ZFYVE26: variants seen among roughly 807,000 people sequenced by gnomAD.
The protein encoded by ZFYVE26 is zinc finger FYVE-type containing 26.
Under a neutral mutation model 276.5 loss-of-function variants are expected in ZFYVE26, and 181 were observed. That is an observed-to-expected ratio of 0.65 (90% CI 0.58 to 0.74). The LOEUF (loss-of-function observed/expected upper bound fraction) is 0.74, where lower values mean the gene tolerates loss of function less well. ZFYVE26 is among the 30% of genes least tolerant of loss of function. The pLI, the probability that ZFYVE26 is intolerant of heterozygous loss-of-function variation, is 0.00. For synonymous variants in ZFYVE26, 1,129 were observed against 1,203.1 expected, an observed-to-expected ratio of 0.94 and a Z score of 1.27; for missense variants, 2,821 against 3,097.9, an observed-to-expected ratio of 0.91 and a Z score of 2.12.
At chr14:67,733,924 A>G (rs2038319566) in intron 13 of ZFYVE26, 1 of 1,099,068 alleles carries the variant, frequency 9.1e-7, no homozygotes, top group African/African-American at 1.5e-5. Flanking sequence ...GGCCAACCCT[A>G]AAGGATTGTC....
chr14:67,791,888 C>T (rs1486426207), intron 14 of ZFYVE26, among the ~76,000 whole-genome samples: 1 of 151,164 alleles, frequency 6.6e-6, no homozygotes, highest in African/African-American at 2.4e-5. Context: ...GGTGAAACCC[C>T]GTCTCTATTA....
chr14:67,766,422 G>A lies in ZFYVE26; in HGVS notation c.5816C>T (p.Ala1939Val). 1 of 1,612,332 alleles carries A rather than the reference G, an allele frequency of 6.2e-7. No homozygotes were observed. Among genetic ancestry groups the A allele is most frequent in the South Asian group, 1.1e-5 (1 of 91,000 alleles). The change falls in exon 32 of 42, where the codon GCC (alanine) becomes GTC (valine). Residue 1939 changes from alanine to valine, a missense_variant. Ala to Val is a moderately conservative substitution (Grantham distance 64). Transcript: ENST00000347230. ...GCTGTCCCGGTGCAGATTCAGGATG[G>A]CAATGCACAAGGAGGCGCTGGGGGC... ...EQAPSASLCI[A>V]ILNLHRDSIA...
downstream of ZFYVE26, among the ~76,000 whole-genome samples, chr14:67,742,636 G>A (rs979941734): frequency 1.3e-5 from 2 of 152,138 alleles, no homozygotes; most frequent in Admixed American, 6.5e-5. Context: ...GAACTACAGT[G>A]ATGAAGTGGA....
chr14:67,785,231 C>T lies in ZFYVE26; in HGVS notation c.3351G>A (p.Gln1117=), dbSNP rs1212716655. The change falls in exon 19 of 42, where the codon CAG becomes CAA. Residue 1117 remains glutamine (Q), a synonymous_variant. Coordinates refer to ENST00000347230, the MANE Select transcript of ZFYVE26 (RefSeq NM_015346.4). ...GGTGGGCCTCTGCCTCTGGAGCTTTCTGGGCTGCCTGCTCCACCAGGGAAG... is the reference window on the plus strand; with the variant it reads ...GGTGGGCCTCTGCCTCTGGAGCTTTTTGGGCTGCCTGCTCCACCAGGGAAG... ...PLSSLVEQAA[Q]KAPEAEAHPV... The T allele has an allele frequency of 1.2e-6, 2 of 1,613,260 alleles. No individual in the cohort carries two copies. The highest frequency in any genetic ancestry group is 1.7e-6 in the Non-Finnish European group (2 of 1,179,590).
intron 37 of ZFYVE26, 148 bp from the exon 38 acceptor site, chr14:67,754,360 T>C: frequency 2.7e-6 from 3 of 1,093,930 alleles, no homozygotes; most frequent in East Asian, 5.0e-5. Flanking sequence ...TTGTGAGCAG[T>C]TATGACAAGA....
chr14:67,801,518 G>A lies in ZFYVE26; in HGVS notation c.1639+561C>T, dbSNP rs34961666. ...GTAAAGATCTATTCCAAAGCTAGGA[G>A]AGAGGGAAAACTGATCACTAGTCAG... is the stretch of plus-strand genomic sequence containing the variant. On this transcript the variant is annotated intron_variant, in intron 10 of 41. Coordinates refer to ENST00000347230, the MANE Select transcript of ZFYVE26 (RefSeq NM_015346.4). Among the ~76,000 whole-genome samples, 819 of 152,264 alleles carry A rather than the reference G, an allele frequency of 5.4e-3. 9 individuals are homozygous for A. The highest frequency in any genetic ancestry group is 7.4e-3 in the Non-Finnish European group (502 of 68,020).
At chr14:67,754,295 T>A in intron 37 of ZFYVE26, 83 bp from the exon 38 acceptor site, 1 of 1,568,572 alleles carries the variant, frequency 6.4e-7, no homozygotes, top group Middle Eastern at 2.1e-4. Context: ...TCGAATAATA[T>A]GGCAATGAAA....
At chr14:67,802,360 C>T (rs2040095393) in intron 9 of ZFYVE26, 78 bp from the exon 10 acceptor site, 2 of 1,429,824 alleles carry the variant, frequency 1.4e-6, no homozygotes, top group Non-Finnish European at 2.0e-6. Flanking sequence ...CAAAGAGATG[C>T]TGTGCCATAC....
At chr14:67,752,638 G>T (rs1413872819) in intron 39 of ZFYVE26, 112 bp from the exon 40 acceptor site, 8 of 1,162,292 alleles carry the variant, frequency 6.9e-6, no homozygotes, top group Non-Finnish European at 1.0e-5. Context: ...CATATTGATT[G>T]TGGTCACAGT....
At chr14:67,735,055 C>A in intron 13 of ZFYVE26, 1 of 681,666 alleles carries the variant, frequency 1.5e-6, no homozygotes, top group East Asian at 2.7e-5. Context: ...GATGCACTTA[C>A]AACCAACAGC....
Position 67,754,146 on chromosome 14 carries a change from C to G in ZFYVE26, c.7053G>C (p.Gly2351=). ...TRFLHRCESA[G]TSQITTLPLP... ...GAGGCAAAGTGGTGATTTGAGAGGT[C>G]CCAGCACTTTCGCACCGATGCAAGA... The change falls in exon 38 of 42, where the codon GGG becomes GGC. Residue 2351 remains glycine, a synonymous_variant. Coordinates refer to ENST00000347230, the MANE Select transcript of ZFYVE26 (RefSeq NM_015346.4). 2 of 1,614,242 alleles carry G rather than the reference C, an allele frequency of 1.2e-6. No homozygotes were observed. The highest frequency in any genetic ancestry group is 8.5e-7 in the Non-Finnish European group (1 of 1,180,044).
At chr14:67,750,577 T>C in intron 41 of ZFYVE26, 1 of 205,998 alleles carries the variant, frequency 4.9e-6, no homozygotes, top group Non-Finnish European at 1.0e-5. Context: ...CTTTGGCCCC[T>C]GAGGAGAGGT....
At chr14:67,760,376 T>A (rs918857016) in intron 35 of ZFYVE26, among the ~76,000 whole-genome samples, 2 of 152,220 alleles carry the variant, frequency 1.3e-5, no homozygotes, top group African/African-American at 4.8e-5. Context: ...GGTATAGTCA[T>A]AATAACTTTG....
At chr14:67,804,305 T>C in intron 8 of ZFYVE26, 41 bp from the exon 9 acceptor site, 1 of 1,608,512 alleles carries the variant, frequency 6.2e-7, no homozygotes, top group Non-Finnish European at 8.5e-7. Flanking sequence ...AGGCAGTTTA[T>C]ATTATTGCTC....
chr14:67,729,544 G>T, exon 14 of ZFYVE26: 1 of 711,678 alleles, frequency 1.4e-6, no homozygotes, highest in Non-Finnish European at 2.5e-6. Flanking sequence ...GAAACTTACA[G>T]TACAAACTTA....
At chr14:67,780,507 G>C (rs1043289061) in intron 22 of ZFYVE26, among the ~76,000 whole-genome samples, 162 bp from the exon 23 acceptor site, 12 of 152,176 alleles carry the variant, frequency 7.9e-5, no homozygotes, top group African/African-American at 2.4e-5. Context: ...AGATTATTTA[G>C]AGAGCAGAGT....
At chr14:67,768,020 C>T (rs980689611) in intron 30 of ZFYVE26, among the ~76,000 whole-genome samples, 180 bp from the exon 31 acceptor site, 1 of 152,156 alleles carries the variant, frequency 6.6e-6, no homozygotes, top group African/African-American at 2.4e-5. Flanking sequence ...AACCATCTTC[C>T]CCAGGCATAG....
chr14:67,790,585 G>A lies in ZFYVE26; in HGVS notation c.2742C>T (p.Ser914=), dbSNP rs140577908. Residue 914 remains serine, a synonymous_variant, in exon 15 of 42, where the codon AGC becomes AGT. Transcript: ENST00000347230. Reference sequence around the variant, plus strand: ...GGGAAGCCTGACCTGCTGCTGCAGCGCTGCCAATGGCCTGTAGAGTTGAGC... The same window carrying A: ...GGGAAGCCTGACCTGCTGCTGCAGCACTGCCAATGGCCTGTAGAGTTGAGC... ...SGRSTLQAIG[S]AAAAGMVFYS... 2.4e-5 allele frequency: 38 copies of A among 1,613,464 alleles called. No homozygotes were observed. In the African/African-American group the frequency reaches 2.7e-4, roughly 11 times the overall value.
intron 19 of ZFYVE26, 24 bp from the exon 20 acceptor site, chr14:67,784,460 T>C: frequency 6.2e-7 from 1 of 1,603,226 alleles, no homozygotes; most frequent in South Asian, 1.1e-5. Context: ...GAACATGATC[T>C]TTGTTTGCAC....
Sources: allele counts gnomAD v4.1 joint callset (sites outside exome capture counted in the v4.1 genomes callset), GRCh38; gene constraint gnomAD v4.1.1; transcripts MANE v1.5; gene names NCBI Gene and HGNC (gene_info 2026-07-23, HGNC 2026-07-21).